KCNMB3: variants seen among roughly 807,000 people sequenced by gnomAD.
KCNMB3 encodes calcium-activated potassium channel subunit beta-3.
A neutral mutation model predicts 11.9 loss-of-function variants in KCNMB3; 18 were observed. The observed-to-expected ratio is 1.51, with a 90% confidence interval of 1.04 to 2.23. The LOEUF (loss-of-function observed/expected upper bound fraction) is 2.23, where lower values mean the gene tolerates loss of function less well. Ranked by LOEUF, KCNMB3 falls within the 30% of genes most tolerant of loss-of-function variation. KCNMB3 has a pLI of 0.00. For synonymous variants in KCNMB3, 78 were observed against 119.2 expected (o/e 0.65, Z 2.25); for missense variants, 247 against 329.4 (o/e 0.75, Z 1.94).
At chr3:179,247,463 C>G (rs1725682177) in intron 1 of KCNMB3, among the ~76,000 whole-genome samples, 1 of 151,812 alleles carries the variant, frequency 6.6e-6, no homozygotes. Flanking sequence ...GAGTTTGAGA[C>G]TAGCCTGGAC....
At chr3:179,260,075 A>T (rs1272197634) in intron 1 of KCNMB3, 80 of 1,609,130 alleles carry the variant, frequency 5.0e-5, no homozygotes, top group Non-Finnish European at 6.6e-5. Context: ...CCTCTACCAT[A>T]CATCTGTCAT....
upstream of KCNMB3, among the ~76,000 whole-genome samples, chr3:179,253,294 T>C (rs1158213100): frequency 1.3e-5 from 2 of 152,190 alleles, no homozygotes; most frequent in African/African-American, 4.8e-5. Context: ...TACCCAATTA[T>C]AATGGTATGT....
chr3:179,254,225 C>T (rs1330253510), upstream of KCNMB3, among the ~76,000 whole-genome samples: 1 of 152,170 alleles, frequency 6.6e-6, no homozygotes, highest in Non-Finnish European at 1.5e-5. Flanking sequence ...GAAATAGCCC[C>T]TCTCCCTTCA....
At chr3:179,252,320 A>G (rs1725874050), upstream of KCNMB3, among the ~76,000 whole-genome samples, 1 of 152,224 alleles carries the variant, frequency 6.6e-6, no homozygotes, top group Non-Finnish European at 1.5e-5. Context: ...AAACAAATGC[A>G]GCACTAATGG....
chr3:179,246,544 A>AACATG (rs1358569299), intron 1 of KCNMB3, among the ~76,000 whole-genome samples: 25 of 152,378 alleles, frequency 1.6e-4, no homozygotes, highest in African/African-American at 5.8e-4. Context: ...TGTGCAGTTT[A>AACATG]ACATGGCCTC....
chr3:179,266,852 C>A lies in KCNMB3; in HGVS notation c.-142G>T, dbSNP rs987498233. 9.0e-6 allele frequency: 13 copies of A among 1,438,080 alleles called. No homozygotes were observed. In the African/African-American group the frequency reaches 1.7e-4, roughly 19 times the overall value. The allele number at this position is 1,438,080 out of a possible 1,614,324, so 89.1% of individuals were successfully genotyped here. A position where few individuals can be genotyped will look rare whatever the true frequency, so the allele number is the denominator to read the frequency against. ...CCAGCGCAGCTGCAGCCATTAGAAG[C>A]CCCCCGCCTTCCTGGAGAGGTGAGA... On this transcript the variant is annotated 5_prime_UTR_variant, in exon 1 of 4. Coordinates refer to the KCNMB3 transcript ENST00000349697.
At chr3:179,261,327 G>T in intron 1 of KCNMB3, 1 of 1,203,460 alleles carries the variant, frequency 8.3e-7, no homozygotes, top group South Asian at 3.5e-5. Flanking sequence ...GACCGTGCCG[G>T]AGCCCCCCCC....
At chr3:179,256,086 A>C (rs1254995065), upstream of KCNMB3, among the ~76,000 whole-genome samples, 1 of 152,234 alleles carries the variant, frequency 6.6e-6, no homozygotes, top group Non-Finnish European at 1.5e-5. Flanking sequence ...TCCAGATAAC[A>C]GCTGATATTT....
chr3:179,250,859 C>T lies in KCNMB3; in HGVS notation c.132G>A (p.Arg44=), dbSNP rs1352049702. The stretch of plus-strand genomic sequence containing the variant: ...GGTCCTCTCCAGCACTGGATGGCAG[C>T]CTCTTGTGCACATCTAGTGGGTCTC... The part of the protein sequence containing the change: ...SDGDPLDVHK[R]LPSSAGEDRA... The change falls in exon 1 of 3, where the codon AGG becomes AGA. Residue 44 remains arginine (R), a synonymous_variant. Coordinates refer to ENST00000392685, the MANE Select transcript of KCNMB3 (RefSeq NM_171830.2). 1 of 1,614,170 alleles carries T rather than the reference C, an allele frequency of 6.2e-7. No individual in the cohort carries two copies.
At chr3:179,245,032 T>C (rs1725589446) in intron 1 of KCNMB3, among the ~76,000 whole-genome samples, 1 of 152,224 alleles carries the variant, frequency 6.6e-6, no homozygotes, top group Non-Finnish European at 1.5e-5. Context: ...CAGGGCTTCA[T>C]TCCAGAAATT....
At chr3:179,260,443 A>T in intron 1 of KCNMB3, 1 of 1,613,840 alleles carries the variant, frequency 6.2e-7, no homozygotes, top group Non-Finnish European at 8.5e-7. Context: ...ATGTCCACAC[A>T]ATCCTTCACT....
upstream of KCNMB3, chr3:179,251,748 G>A: frequency 1.3e-6 from 1 of 786,214 alleles, no homozygotes; most frequent in Non-Finnish European, 1.7e-6. Context: ...TTTTTTTTGA[G>A]ACGGAACCTC....
intron 1 of KCNMB3, among the ~76,000 whole-genome samples, chr3:179,261,503 G>A (rs1392108314): frequency 1.4e-5 from 2 of 144,156 alleles, no homozygotes; most frequent in African/African-American, 4.9e-5. Flanking sequence ...GCCGCGGGCT[G>A]AGCCTGGCCG....
At chr3:179,259,075 C>G in intron 1 of KCNMB3, 1 of 1,606,308 alleles carries the variant, frequency 6.2e-7, no homozygotes. Context: ...CCTCTGGTAT[C>G]TTCTCTGCTT....
At chr3:179,248,558 T>C (rs1033503285) in intron 1 of KCNMB3, among the ~76,000 whole-genome samples, 3 of 151,822 alleles carry the variant, frequency 2.0e-5, no homozygotes, top group African/African-American at 7.3e-5. Flanking sequence ...GGGGATCCCA[T>C]CTCTACCAAC....
At position 179,244,592 on chromosome 3, in the gene KCNMB3, C is replaced by T. The variant is rs199686819; in HGVS notation, c.350G>A (p.Gly117Glu). 57 of 1,614,024 alleles carry T rather than the reference C, an allele frequency of 3.5e-5. No individual in the cohort carries two copies. Among genetic ancestry groups the T allele is most frequent in the Non-Finnish European group, 4.7e-5 (55 of 1,180,044 alleles). ...FTCGVHCHGQ[G>E]KYPCLQVFVN... is the part of the protein sequence containing the mutation. ...AAACACCTGAAGACACGGGTACTTC[C>T]CCTGACCGTGGCAGTGCACACCACA... The change falls in exon 2 of 3, where the codon GGG (glycine) becomes GAG (glutamate). Residue 117 changes from glycine (G) to glutamate (E), a missense_variant. Coordinates refer to ENST00000392685, the MANE Select transcript of KCNMB3 (RefSeq NM_171830.2).
chr3:179,266,807 C>G, exon 1 of KCNMB3: 1 of 1,510,122 alleles, frequency 6.6e-7, no homozygotes, highest in Admixed American at 2.1e-5. Context: ...AAGTGGAGTC[C>G]CAGCGGGAGC....
intron 1 of KCNMB3, among the ~76,000 whole-genome samples, chr3:179,257,672 A>G (rs1330512699): frequency 4.6e-5 from 7 of 152,304 alleles, no homozygotes; most frequent in African/African-American, 1.7e-4. Flanking sequence ...TTGAATGATG[A>G]TTAGAAATTC....
rs1444765821 is a variant in KCNMB3 at position 179,250,752 on chromosome 3, AAAGG to A, written c.235_238del (p.Pro79LeufsTer47). Reference sequence around the variant, plus strand: ...TTCCTCTGTTTCTTACCTGAGCATAAAAGGCTTTAGAATGGTTGTTCCGAGCAAG... The same window carrying A: ...TTCCTCTGTTTCTTACCTGAGCATAACTTTAGAATGGTTGTTCCGAGCAAG... On this transcript the variant is annotated frameshift_variant, in exon 1 of 3. Transcript: ENST00000392685. LOFTEE classifies it high-confidence loss of function. 6.2e-7 allele frequency: 1 copy of A among 1,614,044 alleles called. No individual in the cohort carries two copies. The highest frequency in any genetic ancestry group is 2.2e-5 in the East Asian group (1 of 44,892).
Sources: allele counts gnomAD v4.1 joint callset (sites outside exome capture counted in the v4.1 genomes callset), GRCh38; gene constraint gnomAD v4.1.1; transcripts MANE v1.5; gene names NCBI Gene and HGNC (gene_info 2026-07-23, HGNC 2026-07-21).